MCC: variants seen among roughly 807,000 people sequenced by gnomAD.
The protein encoded by MCC is colorectal mutant cancer protein.
MCC carries 90 observed loss-of-function variants against 116.2 expected under a neutral mutation model. The observed-to-expected ratio is 0.77, with a 90% CI of 0.65 to 0.92. The LOEUF (loss-of-function observed/expected upper bound fraction) is 0.92, where lower values mean the gene tolerates loss of function less well. MCC is among the 40% of genes least tolerant of loss of function. The probability of loss-of-function intolerance (pLI) is 0.00; values close to 1 mark genes in which losing one functional copy is unlikely to be tolerated. For synonymous variants in MCC, 578 were observed against 510.5 expected, an observed-to-expected ratio of 1.13 and a Z score of -1.78; for missense variants, 1,516 against 1,312.2, an observed-to-expected ratio of 1.16 and a Z score of -2.40.
intron 1 of MCC, chr5:113,433,190 C>T (rs917530578): frequency 5.4e-4 from 98 of 181,828 alleles, no homozygotes; most frequent in South Asian, 8.5e-4. Flanking sequence ...CCGAGGCTGC[C>T]GCCGAGAGTG....
rs1269642776 is a variant in MCC at position 113,410,603 on chromosome 5, T to C, written c.171-25391A>G. 2.6e-5 allele frequency among the ~76,000 whole-genome samples: 4 copies of C among 152,320 alleles called. 1 individual carries two copies. The Middle Eastern group carries it at 0.014, about 518-fold the overall frequency. The stretch of plus-strand genomic sequence containing the variant: ...TGTGCTACATCTGCATAATGAATTA[T>C]TATGCAACTCTTATTTTTAAATTAT... On this transcript the variant is annotated intron_variant, in intron 1 of 18. Transcript: ENST00000408903.
At position 113,488,377 on chromosome 5, in the gene MCC, G is replaced by C. The variant is rs750325628; in HGVS notation, c.38C>G (p.Ser13Cys). 4 of 1,466,110 alleles carry C rather than the reference G, an allele frequency of 2.7e-6. No homozygotes were observed. The highest frequency in any genetic ancestry group is 3.6e-6 in the Non-Finnish European group (4 of 1,110,962). 90.8% of individuals were successfully genotyped at this position (1,466,110 alleles called of 1,614,324 possible). ...AAAAAAAAGS[S>C]SSGGGGGGSG... ...GCCGCCGCCGCCGCCGCCGCTGCTG[G>C]AGCTCCCCGCAGCCGCTGCCGCCGC... Residue 13 changes from serine to cysteine, a missense_variant, in exon 1 of 19, where the codon TCC becomes TGC. Coordinates refer to ENST00000408903, the MANE Select transcript of MCC (RefSeq NM_001085377.2).
At chr5:113,049,366 A>T in intron 15 of MCC, 67 bp from the exon 16 acceptor site, 5 of 1,365,664 alleles carry the variant, frequency 3.7e-6, no homozygotes, top group Non-Finnish European at 4.0e-6. Flanking sequence ...GCTGCTGCCA[A>T]GTGGGTGGGT....
intron 3 of MCC, among the ~76,000 whole-genome samples, chr5:113,211,450 C>T (rs1488629633): frequency 1.3e-5 from 2 of 152,320 alleles, no homozygotes; most frequent in East Asian, 1.9e-4. Flanking sequence ...ATGAAAGAAC[C>T]TGAAAGACCC....
At chr5:113,266,193 C>T (rs991665315) in intron 3 of MCC, among the ~76,000 whole-genome samples, 8 of 152,100 alleles carry the variant, frequency 5.3e-5, no homozygotes, top group Middle Eastern at 3.4e-3. Context: ...CAACCTCTAC[C>T]TTCAATCTAC....
intron 5 of MCC, 76 bp downstream of exon 5, chr5:113,143,142 T>C (rs1050186148): frequency 7.5e-6 from 11 of 1,466,656 alleles, no homozygotes; most frequent in African/African-American, 5.7e-5. Flanking sequence ...GGAGTTAAAA[T>C]AGTTGGGGCT....
chr5:113,204,976 CTAATGCAGGGAGTTTGGGGCT>C (rs144133783), intron 3 of MCC, among the ~76,000 whole-genome samples: 7,951 of 152,226 alleles, frequency 0.052, 291 homozygotes, highest in African/African-American at 0.1. Context: ...GATGACAGGG[CTAATGCAGGGAGTTTGGGGCT>C]ATGGACTGGT....
At chr5:113,345,722 A>C (rs1768118305) in intron 2 of MCC, among the ~76,000 whole-genome samples, 1 of 152,236 alleles carries the variant, frequency 6.6e-6, no homozygotes, top group African/African-American at 2.4e-5. Context: ...TTGGTGCCCA[A>C]GTCCCTTTGG....
At chr5:113,457,223 G>C (rs575454453) in intron 1 of MCC, among the ~76,000 whole-genome samples, 1 of 152,348 alleles carries the variant, frequency 6.6e-6, no homozygotes, top group East Asian at 1.9e-4. Context: ...TGGGCTTGGC[G>C]GGCCCCACAC....
chr5:113,415,696 C>T (rs767016491), intron 1 of MCC, among the ~76,000 whole-genome samples: 22 of 152,082 alleles, frequency 1.4e-4, no homozygotes, highest in Admixed American at 2.0e-4. Flanking sequence ...TTTTAGCTTC[C>T]TTGTGATGGG....
intron 3 of MCC, among the ~76,000 whole-genome samples, chr5:113,242,921 G>T (rs1418635640): frequency 6.6e-6 from 1 of 152,202 alleles, no homozygotes; most frequent in Non-Finnish European, 1.5e-5. Context: ...CAGTGGTGGT[G>T]AGAGTTTCCT....
At position 113,064,156 on chromosome 5, in the gene MCC, C is replaced by T. The variant is rs1753425137; in HGVS notation, c.2041G>A (p.Gly681Arg). The change falls in exon 14 of 19, where the codon GGG (glycine) becomes AGG (arginine). Residue 681 changes from glycine (G) to arginine (R), a missense_variant. Transcript: ENST00000408903. Reference protein sequence around the residue: ...GVGSSPGDQSGDENITQMLKR... With the variant: ...GVGSSPGDQSRDENITQMLKR... ...AGCATCTGAGTGATGTTTTCATCCC[C>T]CGACTGGTCTCCTATGTGGCAGAGA... The T allele has an allele frequency of 6.2e-7, 1 of 1,611,174 alleles. No individual in the cohort carries two copies. Among genetic ancestry groups the T allele is most frequent in the South Asian group, 1.1e-5 (1 of 90,648 alleles).
At chr5:113,100,566 G>A (rs1756341678) in intron 8 of MCC, among the ~76,000 whole-genome samples, 1 of 142,236 alleles carries the variant, frequency 7.0e-6, no homozygotes, top group Non-Finnish European at 1.5e-5. Flanking sequence ...CCGCCTCCCG[G>A]GTTCAAGCGA....
chr5:113,434,104 T>C lies in MCC; in HGVS notation c.171-48892A>G. The C allele has an allele frequency of 6.2e-7, 1 of 1,614,216 alleles. No individual in the cohort carries two copies. The highest frequency in any genetic ancestry group is 8.5e-7 in the Non-Finnish European group (1 of 1,180,028). On this transcript the variant is annotated intron_variant, in intron 1 of 18. Coordinates refer to ENST00000408903, the MANE Select transcript of MCC (RefSeq NM_001085377.2). The surrounding 1 kb of genome is among the most constrained non-coding windows in gnomAD (Gnocchi z 4.2). The stretch of plus-strand genomic sequence containing the variant: ...TGCAGCATGTGGTAGATGAGGTCCT[T>C]GCACTCGCCTGTCAGGTGCTTGGAG...
At chr5:113,473,360 GA>G (rs1214777445) in intron 1 of MCC, among the ~76,000 whole-genome samples, 5 of 151,882 alleles carry the variant, frequency 3.3e-5, no homozygotes, top group Admixed American at 6.6e-5. Flanking sequence ...CCCATCTCTA[GA>G]AAAAATGTTT....
chr5:113,436,416 T>C (rs11959532), intron 1 of MCC: 10 of 152,260 alleles, frequency 6.6e-5, no homozygotes, highest in East Asian at 1.9e-4. Flanking sequence ...CAGGCCATGA[T>C]AGAAAGTAGG....
At chr5:113,044,803 A>C (rs960332419) in intron 16 of MCC, among the ~76,000 whole-genome samples, 2 of 152,054 alleles carry the variant, frequency 1.3e-5, no homozygotes, top group Non-Finnish European at 2.9e-5. Flanking sequence ...CAAACTCCTG[A>C]CCTCAGGTAA....
At chr5:113,193,254 G>T (rs1209282044) in intron 3 of MCC, among the ~76,000 whole-genome samples, 1 of 149,644 alleles carries the variant, frequency 6.7e-6, no homozygotes, top group African/African-American at 2.5e-5. Context: ...GATAATACAG[G>T]ATAACAGCCT....
intron 16 of MCC, chr5:113,048,545 G>C (rs1036140399): frequency 6.5e-6 from 1 of 153,382 alleles, no homozygotes; most frequent in African/African-American, 2.4e-5. Context: ...CAACATTAAT[G>C]ATGCTGACAT....
Sources: allele counts gnomAD v4.1 joint callset (sites outside exome capture counted in the v4.1 genomes callset), GRCh38; gene constraint gnomAD v4.1.1; non-coding constraint Gnocchi (gnomAD v3.1); transcripts MANE v1.5; gene names NCBI Gene and HGNC (gene_info 2026-07-23, HGNC 2026-07-21).